The following ARHGAP15 variants were observed in gnomAD, a reference collection of about 807,000 sequenced individuals.
ARHGAP15 encodes rho GTPase-activating protein 15.
Under a neutral mutation model 63.7 loss-of-function variants are expected in ARHGAP15, and 51 were observed. The ratio of observed to expected loss-of-function variants is 0.80; its 90% CI spans 0.64 to 1.01. The LOEUF (loss-of-function observed/expected upper bound fraction) is 1.01, where lower values mean the gene tolerates loss of function less well. Among genes scored for constraint, ARHGAP15 ranks in the 50% least tolerant of loss-of-function variants. The pLI is 0.00. For synonymous variants in ARHGAP15, 191 were observed against 193.8 expected (o/e 0.99, Z 0.12); for missense variants, 560 against 564.6 (o/e 0.99, Z 0.08).
intron 4 of ARHGAP15, among the ~76,000 whole-genome samples, chr2:143,223,656 C>G (rs1341015513): frequency 3.9e-5 from 6 of 152,140 alleles, no homozygotes; most frequent in Admixed American, 3.9e-4. Context: ...TAAGACATGG[C>G]TTTGCTCCAA....
intron 12 of ARHGAP15, among the ~76,000 whole-genome samples, chr2:143,655,535 C>A (rs941051235): frequency 6.6e-6 from 1 of 152,138 alleles, no homozygotes; most frequent in Non-Finnish European, 1.5e-5. Context: ...TGCATAATTT[C>A]TAGCATGAAG....
At position 143,162,132 on chromosome 2, in the gene ARHGAP15, C is replaced by T. The variant is rs1690321420; in HGVS notation, c.165+6477C>T. 5.9e-5 allele frequency: 9 copies of T among 152,088 alleles called. No homozygotes were observed. In the South Asian group the frequency reaches 1.9e-3, roughly 32 times the overall value. The allele number at this position is 152,088 out of a possible 1,614,324, so 9.4% of individuals were successfully genotyped here. The stretch of plus-strand genomic sequence containing the variant: ...TATTAAAAAGATCTGACAGAAGTCA[C>T]ACGGTGTTTGATGCAGGCGAACTGA... On this transcript the variant is annotated intron_variant, in intron 2 of 13. Transcript: ENST00000295095.
At chr2:143,416,477 T>C (rs971991067) in intron 6 of ARHGAP15, among the ~76,000 whole-genome samples, 12 of 135,256 alleles carry the variant, frequency 8.9e-5, no homozygotes, top group African/African-American at 2.8e-4. Context: ...TTTCACTCGA[T>C]TGCAGTTGGT....
chr2:143,250,636 C>T lies in ARHGAP15; in HGVS notation c.474+36C>T, dbSNP rs751115425. The T allele has an allele frequency of 1.1e-5, 17 of 1,537,850 alleles. No homozygotes were observed. In the African/African-American group the frequency reaches 1.9e-4, roughly 17 times the overall value. On this transcript the variant is annotated intron_variant, in intron 6 of 13. Transcript: ENST00000295095. ...TACATATATTCAATTTATTCCTATT[C>T]TCTCTAAATCTGAGCTCTCTTGGGT...
chr2:143,542,124 G>T (rs1050688986), intron 10 of ARHGAP15, among the ~76,000 whole-genome samples: 2 of 152,208 alleles, frequency 1.3e-5, no homozygotes, highest in African/African-American at 4.8e-5. Context: ...TTTGATCTCA[G>T]AATGCCATGC....
At chr2:143,199,765 A>G (rs1330138215) in intron 2 of ARHGAP15, among the ~76,000 whole-genome samples, 1 of 151,990 alleles carries the variant, frequency 6.6e-6, no homozygotes, top group Non-Finnish European at 1.5e-5. Context: ...CATACCCTTC[A>G]CCATATAGCC....
chr2:143,598,236 A>C (rs989930071), intron 11 of ARHGAP15, among the ~76,000 whole-genome samples: 25 of 152,202 alleles, frequency 1.6e-4, no homozygotes, highest in African/African-American at 6.0e-4. Flanking sequence ...AGGTAAATCC[A>C]AAGAAACTCC....
chr2:143,638,418 G>A (rs1331724717), intron 12 of ARHGAP15, among the ~76,000 whole-genome samples: 2,039 of 140,498 alleles, frequency 0.015, 17 homozygotes, highest in Non-Finnish European at 0.023. Flanking sequence ...ACCAAACACC[G>A]CATATTCTCA....
At position 143,210,817 on chromosome 2, in the gene ARHGAP15, A is replaced by G. The variant is rs555556015; in HGVS notation, c.235-5567A>G. Among the ~76,000 whole-genome samples the G allele has an allele frequency of 2.6e-5, 4 of 152,210 alleles. No individual in the cohort carries two copies. The East Asian group carries it at 5.8e-4, about 22-fold the overall frequency. ...TATCACCACTTATGTATGACCCAGA[A>G]CCATTCTTTGCTTTTCTTCTACTCT... is the stretch of plus-strand genomic sequence containing the variant. On this transcript the variant is annotated intron_variant, in intron 3 of 13. Transcript: ENST00000295095.
At chr2:143,587,154 G>A (rs190811856) in intron 11 of ARHGAP15, among the ~76,000 whole-genome samples, 1 of 152,202 alleles carries the variant, frequency 6.6e-6, no homozygotes, top group African/African-American at 2.4e-5. Context: ...CCATTCCCAT[G>A]TCCTGATACT....
chr2:143,268,664 G>A (rs1378426882), intron 6 of ARHGAP15, among the ~76,000 whole-genome samples: 2 of 152,116 alleles, frequency 1.3e-5, no homozygotes, highest in African/African-American at 4.8e-5. Flanking sequence ...ACAGAGAGTT[G>A]TTAGTAATAT....
At chr2:143,226,257 G>A (rs575475241) in intron 4 of ARHGAP15, among the ~76,000 whole-genome samples, 8 of 152,296 alleles carry the variant, frequency 5.3e-5, no homozygotes, top group African/African-American at 1.9e-4. Flanking sequence ...GATGGGGAGA[G>A]TTTTTGCCAG....
chr2:143,619,226 T>C (rs1274819267), intron 11 of ARHGAP15, among the ~76,000 whole-genome samples: 2 of 152,194 alleles, frequency 1.3e-5, no homozygotes. Flanking sequence ...AAATTATTCC[T>C]AATAGCTACT....
chr2:143,645,298 C>T (rs1034726824), intron 12 of ARHGAP15, among the ~76,000 whole-genome samples: 6 of 152,050 alleles, frequency 3.9e-5, no homozygotes, highest in African/African-American at 1.4e-4. Flanking sequence ...TAAGTCTACA[C>T]TGTCATTAAG....
intron 2 of ARHGAP15, among the ~76,000 whole-genome samples, chr2:143,196,441 A>G (rs568059969): frequency 5.9e-4 from 89 of 152,012 alleles, no homozygotes; most frequent in Non-Finnish European, 1.1e-3. Context: ...TTTCTCCCCA[A>G]AAGAAGGGTT....
chr2:143,698,481 C>A (rs1683946950), intron 12 of ARHGAP15, among the ~76,000 whole-genome samples: 1 of 152,100 alleles, frequency 6.6e-6, no homozygotes, highest in Non-Finnish European at 1.5e-5. Flanking sequence ...GTAGGTGTTA[C>A]TTCTCTGAAC....
At chr2:143,344,524 A>G (rs1480398509) in intron 6 of ARHGAP15, among the ~76,000 whole-genome samples, 1 of 152,134 alleles carries the variant, frequency 6.6e-6, no homozygotes, top group African/African-American at 2.4e-5. Context: ...GCCAGATTAT[A>G]TAAATCAGCT....
intron 12 of ARHGAP15, among the ~76,000 whole-genome samples, chr2:143,682,030 A>G (rs1256469797): frequency 1.3e-5 from 2 of 152,194 alleles, no homozygotes; most frequent in Admixed American, 6.5e-5. Flanking sequence ...AGCAGTGTCA[A>G]ACAAATTTGT....
chr2:143,552,656 A>C (rs1559046889), intron 10 of ARHGAP15, among the ~76,000 whole-genome samples: 1 of 152,188 alleles, frequency 6.6e-6, no homozygotes, highest in Non-Finnish European at 1.5e-5. Context: ...AAATATAAGA[A>C]GGTCAGCTGA....
Sources: gnomAD v4.1 joint callset for allele counts (sites outside exome capture counted in the v4.1 genomes callset) on GRCh38, gnomAD v4.1.1 for gene constraint, MANE v1.5 for transcripts, NCBI Gene and HGNC (gene_info 2026-07-23, HGNC 2026-07-21) for gene names.